The following ARHGEF6 variants were observed in gnomAD, a reference collection of about 807,000 sequenced individuals.
ARHGEF6 encodes rho guanine nucleotide exchange factor 6.
ARHGEF6 carries 9 observed loss-of-function variants against 70.3 expected under a neutral mutation model. The observed-to-expected ratio is 0.13, with a 90% confidence interval of 0.08 to 0.22. The LOEUF (loss-of-function observed/expected upper bound fraction) is 0.22, where lower values mean the gene tolerates loss of function less well. Ranked by LOEUF, ARHGEF6 falls within the 10% of genes least tolerant of loss-of-function variation. The probability of loss-of-function intolerance (pLI) is 1.00; values close to 1 mark genes in which losing one functional copy is unlikely to be tolerated. For missense variants in ARHGEF6, 470 were observed against 563.0 expected (o/e 0.83, Z 1.67); for synonymous variants, 201 against 207.8 (o/e 0.97, Z 0.28).
chrX:136,769,111 T>TA (rs912004220), intron 2 of ARHGEF6, among the ~76,000 whole-genome samples: 5 of 110,159 alleles, frequency 4.5e-5, no homozygotes, highest in Admixed American at 9.6e-5. Flanking sequence ...AAAATATCTT[T>TA]AAAAAAAAAT....
intron 5 of ARHGEF6, 36 bp downstream of exon 5, chrX:136,743,549 G>T: frequency 8.6e-7 from 1 of 1,160,657 alleles, no homozygotes; most frequent in Non-Finnish European, 1.2e-6. Flanking sequence ...AAGTACAAGA[G>T]TCACAATCAA....
chrX:136,747,492 C>T lies in ARHGEF6; in HGVS notation c.334+16G>A. On this transcript the variant is annotated intron_variant, in intron 3 of 21. Transcript: ENST00000250617. ...AAAATGTCACCCAGAACATATAAAT[C>T]ACAAGCCCGGCTTACCTTCTGTTGC... is the stretch of plus-strand genomic sequence containing the variant. 1 of 1,200,292 alleles carries T rather than the reference C, an allele frequency of 8.3e-7. No individual in the cohort carries two copies. The highest frequency in any genetic ancestry group is 1.1e-6 in the Non-Finnish European group (1 of 886,429).
intron 9 of ARHGEF6, among the ~76,000 whole-genome samples, chrX:136,691,686 C>A (rs2076459737): frequency 8.9e-6 from 1 of 111,897 alleles, no homozygotes; most frequent in Non-Finnish European, 1.9e-5. Flanking sequence ...TCCATTCCTG[C>A]TGCCACTGCC....
chrX:136,701,289 G>T (rs1334985023), intron 9 of ARHGEF6, among the ~76,000 whole-genome samples: 1 of 110,694 alleles, frequency 9.0e-6, no homozygotes, highest in Non-Finnish European at 1.9e-5. Context: ...CACCAAGCAG[G>T]ATATATAGCA....
intron 12 of ARHGEF6, among the ~76,000 whole-genome samples, chrX:136,685,011 G>A (rs2148584738): frequency 9.0e-6 from 1 of 111,590 alleles, no homozygotes; most frequent in South Asian, 3.8e-4. Context: ...AACTACTCTT[G>A]CCTGATGTCA....
At chrX:136,778,615 G>A (rs895366149) in intron 2 of ARHGEF6, among the ~76,000 whole-genome samples, 16 of 109,118 alleles carry the variant, frequency 1.5e-4, no homozygotes, top group Non-Finnish European at 3.0e-4. Flanking sequence ...TCAGCCTCCC[G>A]AGTAGCTGGG....
intron 5 of ARHGEF6, among the ~76,000 whole-genome samples, chrX:136,742,588 A>G (rs2077055265): frequency 8.9e-6 from 1 of 112,017 alleles, no homozygotes; most frequent in African/African-American, 3.2e-5. Flanking sequence ...ATTCTTATGT[A>G]TAAGGGTTTG....
chrX:136,668,765 C>G (rs1172404549), intron 21 of ARHGEF6, among the ~76,000 whole-genome samples: 1 of 109,450 alleles, frequency 9.1e-6, no homozygotes, highest in Non-Finnish European at 1.9e-5. Flanking sequence ...TCTCAACACC[C>G]CAAACTTCTC....
intron 5 of ARHGEF6, among the ~76,000 whole-genome samples, chrX:136,736,290 A>G (rs1289783001): frequency 1.8e-5 from 2 of 112,362 alleles, no homozygotes; most frequent in Non-Finnish European, 1.9e-5. Flanking sequence ...GGAAAATTGT[A>G]TAAGTGGCTA....
At chrX:136,685,944 G>C in intron 11 of ARHGEF6, 121 bp from the exon 12 acceptor site, 1 of 748,453 alleles carries the variant, frequency 1.3e-6, no homozygotes, top group Non-Finnish European at 2.0e-6. Context: ...TCCTCATCAT[G>C]AATCCCATGA....
In ARHGEF6 at chrX:136,667,956, A is replaced by G. The variant is rs1256328436; in HGVS notation, c.*73T>C. 1.7e-6 allele frequency: 2 copies of G among 1,171,625 alleles called. No individual in the cohort carries two copies. The highest frequency in any genetic ancestry group is 1.8e-5 in the African/African-American group (1 of 56,254). On this transcript the variant is annotated 3_prime_UTR_variant, in exon 22 of 22. Coordinates refer to ENST00000250617, the MANE Select transcript of ARHGEF6 (RefSeq NM_004840.3). ...AAACAAAAGCCAAAGAAGTGAGCAA[A>G]CTGAGTCAAATCATTCAGCGGGACA...
chrX:136,767,837 A>AGAGCAG (rs1469847548), intron 2 of ARHGEF6: 3 of 681,552 alleles, frequency 4.4e-6, no homozygotes, highest in African/African-American at 3.6e-5. Flanking sequence ...CGGCGCAGGC[A>AGAGCAG]GAGCAGCAGC....
intron 2 of ARHGEF6, chrX:136,767,730 C>G (rs1327443014): frequency 1.3e-6 from 1 of 753,484 alleles, no homozygotes; most frequent in Non-Finnish European, 1.6e-6. Flanking sequence ...CAGCCGGAGC[C>G]GAGCAGCGGA....
At chrX:136,670,404 T>C (rs1244539023) in intron 20 of ARHGEF6, among the ~76,000 whole-genome samples, 1 of 111,788 alleles carries the variant, frequency 8.9e-6, no homozygotes. Context: ...CAACCATCCA[T>C]TTTTTTCTGA....
At chrX:136,694,747 T>C (rs2076494201) in intron 9 of ARHGEF6, among the ~76,000 whole-genome samples, 2 of 111,582 alleles carry the variant, frequency 1.8e-5, no homozygotes, top group Non-Finnish European at 3.8e-5. Context: ...GGAGCTACCA[T>C]AGCAAGCTAG....
chrX:136,733,095 C>T (rs1265862891), intron 5 of ARHGEF6, among the ~76,000 whole-genome samples: 1 of 108,592 alleles, frequency 9.2e-6, no homozygotes, highest in African/African-American at 3.4e-5. Context: ...AAACTCATGA[C>T]TAAAGGAAAT....
chrX:136,702,952 A>G (rs759391692), intron 9 of ARHGEF6, among the ~76,000 whole-genome samples: 1 of 111,978 alleles, frequency 8.9e-6, no homozygotes, highest in Non-Finnish European at 1.9e-5. Flanking sequence ...GCATTCACCA[A>G]GATAGACCAC....
chrX:136,735,377 G>A (rs185064173), intron 5 of ARHGEF6, among the ~76,000 whole-genome samples: 16 of 110,005 alleles, frequency 1.5e-4, no homozygotes, highest in East Asian at 2.8e-4. Flanking sequence ...TCTTACTCCC[G>A]CCATGTGAAG....
chrX:136,686,594 GTATATA>G (rs770923374), intron 11 of ARHGEF6, among the ~76,000 whole-genome samples: 12 of 57,122 alleles, frequency 2.1e-4, no homozygotes, highest in African/African-American at 4.4e-4. Context: ...GTATGTGTGT[GTATATA>G]TATATATATA....
Sources: gnomAD v4.1 joint callset for allele counts (sites outside exome capture counted in the v4.1 genomes callset) on GRCh38, gnomAD v4.1.1 for gene constraint, MANE v1.5 for transcripts, NCBI Gene and HGNC (gene_info 2026-07-23, HGNC 2026-07-21) for gene names.